KCND2: variants seen among roughly 807,000 people sequenced by gnomAD.
The protein encoded by KCND2 is potassium voltage-gated channel subfamily D member 2, also known as A-type voltage-gated potassium channel KCND2.
KCND2 carries 16 observed loss-of-function variants against 54.4 expected under a neutral mutation model. The observed-to-expected ratio is 0.29, with a 90% CI of 0.20 to 0.45. The LOEUF (loss-of-function observed/expected upper bound fraction) is 0.45. Among genes scored for constraint, KCND2 ranks in the 20% least tolerant of loss-of-function variants. The probability of loss-of-function intolerance (pLI) is 1.00; values close to 1 mark genes in which losing one functional copy is unlikely to be tolerated. For synonymous variants in KCND2, 317 were observed against 310.7 expected (o/e 1.02, Z -0.21); for missense variants, 486 against 824.2 (o/e 0.59, Z 5.02).
intron 1 of KCND2, among the ~76,000 whole-genome samples, chr7:120,442,130 C>A (rs1305161291): frequency 6.6e-6 from 1 of 152,068 alleles, no homozygotes; most frequent in East Asian, 1.9e-4. Flanking sequence ...GGACTGACTA[C>A]CAAATTTTCA....
At chr7:120,572,692 A>G (rs758042344) in intron 1 of KCND2, among the ~76,000 whole-genome samples, 1 of 152,000 alleles carries the variant, frequency 6.6e-6, no homozygotes, top group Non-Finnish European at 1.5e-5. Flanking sequence ...TAATTTTTGT[A>G]CTTTTATTAG....
At chr7:120,693,019 CA>C (rs1256640448) in intron 1 of KCND2, among the ~76,000 whole-genome samples, 1 of 152,020 alleles carries the variant, frequency 6.6e-6, no homozygotes, top group Non-Finnish European at 1.5e-5. Flanking sequence ...CAACTACTCA[CA>C]AAAAAGATGA....
At chr7:120,595,725 T>A (rs1252370478) in intron 1 of KCND2, among the ~76,000 whole-genome samples, 1 of 151,468 alleles carries the variant, frequency 6.6e-6, no homozygotes, top group African/African-American at 2.4e-5. Context: ...ATCCCATTTT[T>A]GAGGGCCCAT....
intron 1 of KCND2, among the ~76,000 whole-genome samples, chr7:120,465,448 A>G (rs1290858700): frequency 6.6e-6 from 1 of 152,102 alleles, no homozygotes; most frequent in Non-Finnish European, 1.5e-5. Flanking sequence ...CTGAATTCCT[A>G]TTAAATAATA....
intron 1 of KCND2, among the ~76,000 whole-genome samples, chr7:120,483,266 G>A (rs1451487613): frequency 3.9e-5 from 6 of 152,168 alleles, no homozygotes; most frequent in Admixed American, 3.9e-4. Flanking sequence ...CAAAGGGAAT[G>A]TTGAAGAAAG....
intron 1 of KCND2, among the ~76,000 whole-genome samples, chr7:120,309,577 T>C (rs1303351790): frequency 6.7e-6 from 1 of 150,290 alleles, no homozygotes; most frequent in East Asian, 2.0e-4. Flanking sequence ...ATATATATAA[T>C]TCTGACACAG....
chr7:120,617,328 A>G (rs1793039011), intron 1 of KCND2, among the ~76,000 whole-genome samples: 1 of 152,102 alleles, frequency 6.6e-6, no homozygotes, highest in African/African-American at 2.4e-5. Flanking sequence ...AAACCAATCT[A>G]CTCCATGAAC....
At chr7:120,688,154 T>C (rs1011381328) in intron 1 of KCND2, among the ~76,000 whole-genome samples, 2 of 152,136 alleles carry the variant, frequency 1.3e-5, no homozygotes, top group African/African-American at 4.8e-5. Flanking sequence ...ATGTAAAAAA[T>C]TGCAAATAAC....
At chr7:120,477,603 G>A (rs1307369594) in intron 1 of KCND2, among the ~76,000 whole-genome samples, 6 of 151,714 alleles carry the variant, frequency 4.0e-5, no homozygotes, top group Non-Finnish European at 8.8e-5. Flanking sequence ...TTTTTTGCTT[G>A]AGGTTCAGTA....
chr7:120,482,867 C>G (rs1277136943), intron 1 of KCND2, among the ~76,000 whole-genome samples: 1 of 152,134 alleles, frequency 6.6e-6, no homozygotes. Context: ...GTTGCTAGCA[C>G]TATGTTCTGA....
chr7:120,737,067 CACACACACAA>C (rs1792880781), intron 2 of KCND2, among the ~76,000 whole-genome samples: 1 of 143,208 alleles, frequency 7.0e-6, no homozygotes, highest in Non-Finnish European at 1.5e-5. Flanking sequence ...CACACACACA[CACACACACAA>C]ACAAAAAAAA....
At chr7:120,673,261 T>C (rs1461868745) in intron 1 of KCND2, among the ~76,000 whole-genome samples, 19 of 152,134 alleles carry the variant, frequency 1.2e-4, no homozygotes, top group Admixed American at 1.2e-3. Context: ...ACTAGTAAAC[T>C]AACATGAGAT....
At chr7:120,438,847 A>G (rs1292585564) in intron 1 of KCND2, among the ~76,000 whole-genome samples, 3 of 152,164 alleles carry the variant, frequency 2.0e-5, no homozygotes, top group African/African-American at 4.8e-5. Flanking sequence ...CAATTCGTGT[A>G]TATAGTTATT....
At chr7:120,479,540 C>G (rs1215419719) in intron 1 of KCND2, among the ~76,000 whole-genome samples, 1 of 151,336 alleles carries the variant, frequency 6.6e-6, no homozygotes, top group Non-Finnish European at 1.5e-5. Context: ...ACTTTCAAAT[C>G]TCTGGTTTAC....
At chr7:120,728,990 G>T (rs1477032359) in intron 1 of KCND2, among the ~76,000 whole-genome samples, 1 of 152,114 alleles carries the variant, frequency 6.6e-6, no homozygotes, top group Non-Finnish European at 1.5e-5. Flanking sequence ...ATTTCACCAC[G>T]GTGTCACTTC....
At chr7:120,452,029 T>C (rs1394829290) in intron 1 of KCND2, among the ~76,000 whole-genome samples, 1 of 152,248 alleles carries the variant, frequency 6.6e-6, no homozygotes, top group Admixed American at 6.5e-5. Flanking sequence ...TATTTTTAAA[T>C]TTGATCACTT....
chr7:120,436,869 C>CA (rs138014431), intron 1 of KCND2, among the ~76,000 whole-genome samples: 28 of 152,304 alleles, frequency 1.8e-4, no homozygotes, highest in Non-Finnish European at 3.4e-4. Context: ...CCCACATGCC[C>CA]AGTCAAACTT....
intron 1 of KCND2, among the ~76,000 whole-genome samples, chr7:120,625,786 G>A (rs115003947): frequency 0.028 from 4,315 of 151,976 alleles, 171 homozygotes; most frequent in African/African-American, 0.09. Context: ...CAGACAAAAA[G>A]AACAATAATA....
At chr7:120,499,402 AT>A (rs541081224) in intron 1 of KCND2, among the ~76,000 whole-genome samples, 4,214 of 152,124 alleles carry the variant, frequency 0.028, 90 homozygotes, top group Non-Finnish European at 0.046. Context: ...AAAACCACGT[AT>A]TTTTTTCCTA....
Sources: gnomAD v4.1 joint callset for allele counts (sites outside exome capture counted in the v4.1 genomes callset) on GRCh38, gnomAD v4.1.1 for gene constraint, MANE v1.5 for transcripts, NCBI Gene and HGNC (gene_info 2026-07-23, HGNC 2026-07-21) for gene names.